The following GALM variants were observed in gnomAD, a reference collection of about 807,000 sequenced individuals.
The protein encoded by GALM is galactose mutarotase, also known as aldose 1-epimerase.
A neutral mutation model predicts 37.4 loss-of-function variants in GALM; 43 were observed. The ratio of observed to expected loss-of-function variants is 1.15; its 90% confidence interval spans 0.90 to 1.48. GALM has a LOEUF of 1.48. Among genes scored for constraint, GALM ranks in the 40% most tolerant of loss-of-function variants. The probability of loss-of-function intolerance (pLI) is 0.00; values close to 1 mark genes in which losing one functional copy is unlikely to be tolerated. For missense variants in GALM, 456 were observed against 419.1 expected, an observed-to-expected ratio of 1.09 and a Z score of -0.77; for synonymous variants, 199 against 170.6, an observed-to-expected ratio of 1.17 and a Z score of -1.30.
chr2:38,695,465 G>C (rs1276827861), intron 4 of GALM, among the ~76,000 whole-genome samples: 4 of 152,220 alleles, frequency 2.6e-5, no homozygotes, highest in African/African-American at 4.8e-5. Context: ...TGGATAATGA[G>C]TTCGTTTTAG....
chr2:38,705,907 C>T (rs1012700931), intron 4 of GALM, among the ~76,000 whole-genome samples: 13 of 152,028 alleles, frequency 8.6e-5, no homozygotes, highest in Admixed American at 4.6e-4. Context: ...GCGCAACCTC[C>T]CCCTCCGGGT....
intron 1 of GALM, among the ~76,000 whole-genome samples, chr2:38,666,625 T>G (rs562981368): frequency 1.3e-3 from 197 of 152,344 alleles, no homozygotes; most frequent in African/African-American, 4.4e-3. Context: ...TATGATACAC[T>G]TCAGCGATCC....
At chr2:38,722,339 G>T (rs2148455417) in intron 4 of GALM, among the ~76,000 whole-genome samples, 1 of 152,136 alleles carries the variant, frequency 6.6e-6, no homozygotes, top group East Asian at 1.9e-4. Flanking sequence ...GCAGTTTCTG[G>T]TCTCTGTATT....
In GALM at chr2:38,730,068, G is replaced by C. The variant is rs1434606012; in HGVS notation, c.776+371G>C. 2.6e-5 allele frequency among the ~76,000 whole-genome samples: 4 copies of C among 152,170 alleles called. No individual in the cohort carries two copies. The South Asian group carries it at 6.2e-4, about 24-fold the overall frequency. ...CTTATGCCTGCCTACTCCATGGCCA[G>C]TTGGAGGCTAGGCATCTCCTGCAGC... On this transcript the variant is annotated intron_variant, in intron 5 of 6. Transcript: ENST00000272252.
At chr2:38,695,454 C>T (rs553265296) in intron 4 of GALM, among the ~76,000 whole-genome samples, 92 of 152,202 alleles carry the variant, frequency 6.0e-4, no homozygotes, top group Non-Finnish European at 1.1e-3. Context: ...TGGGGAGATG[C>T]TGGATAATGA....
chr2:38,726,713 C>A (rs1025850091), intron 4 of GALM, among the ~76,000 whole-genome samples: 1 of 151,540 alleles, frequency 6.6e-6, no homozygotes, highest in African/African-American at 2.4e-5. Flanking sequence ...TTGGCCAAAA[C>A]GGTGAAAGCC....
intron 4 of GALM, among the ~76,000 whole-genome samples, chr2:38,715,465 C>T (rs1666251619): frequency 2.0e-5 from 3 of 152,052 alleles, no homozygotes; most frequent in South Asian, 4.1e-4. Flanking sequence ...GGAGACAGGG[C>T]CTTGCTGTGT....
At chr2:38,679,910 C>T in intron 2 of GALM, 1 of 367,904 alleles carries the variant, frequency 2.7e-6, no homozygotes, top group East Asian at 8.8e-5. Flanking sequence ...TTCGTTTTCC[C>T]TTCCCTATAA....
chr2:38,713,722 A>G (rs777709176), intron 4 of GALM, among the ~76,000 whole-genome samples: 7 of 152,030 alleles, frequency 4.6e-5, no homozygotes, highest in Non-Finnish European at 1.0e-4. Flanking sequence ...TGAGCAACAT[A>G]GAGATACCCC....
chr2:38,723,704 T>C (rs1666427394), intron 4 of GALM, among the ~76,000 whole-genome samples: 1 of 151,706 alleles, frequency 6.6e-6, no homozygotes. Context: ...GGCAGGAGAA[T>C]CCCTTGAGCC....
intron 4 of GALM, among the ~76,000 whole-genome samples, chr2:38,700,257 T>G (rs1665889003): frequency 6.6e-6 from 1 of 152,168 alleles, no homozygotes. Context: ...CAGCCTAAAG[T>G]GCAGTTTAAA....
chr2:38,694,218 C>T (rs982681649), intron 4 of GALM, among the ~76,000 whole-genome samples: 1 of 151,870 alleles, frequency 6.6e-6, no homozygotes, highest in African/African-American at 2.4e-5. Flanking sequence ...AGGGGAGAGG[C>T]AGAAAGGAGT....
chr2:38,706,667 G>A (rs1036791763), intron 4 of GALM, among the ~76,000 whole-genome samples: 6 of 151,726 alleles, frequency 4.0e-5, no homozygotes, highest in African/African-American at 7.3e-5. Flanking sequence ...TTCTGTTTCA[G>A]AAACAAAGAA....
chr2:38,693,767 C>A (rs1665737669), intron 4 of GALM, among the ~76,000 whole-genome samples: 1 of 152,130 alleles, frequency 6.6e-6, no homozygotes, highest in Non-Finnish European at 1.5e-5. Context: ...GTTAAAGTAC[C>A]TTACAGAGGA....
chr2:38,672,647 C>A (rs901100502), intron 1 of GALM, among the ~76,000 whole-genome samples: 3 of 152,170 alleles, frequency 2.0e-5, no homozygotes, highest in Non-Finnish European at 4.4e-5. Flanking sequence ...TTTAACTTTT[C>A]TGTCCTCAGT....
intron 3 of GALM, among the ~76,000 whole-genome samples, chr2:38,683,140 G>C (rs1259006284): frequency 6.6e-6 from 1 of 152,106 alleles, no homozygotes; most frequent in African/African-American, 2.4e-5. Flanking sequence ...GAAATAAAAA[G>C]AGAAATTATG....
At chr2:38,672,650 T>G (rs1572509257) in intron 1 of GALM, among the ~76,000 whole-genome samples, 1 of 152,178 alleles carries the variant, frequency 6.6e-6, no homozygotes, top group South Asian at 2.1e-4. Flanking sequence ...AACTTTTCTG[T>G]CCTCAGTTTC....
At chr2:38,726,983 A>AGGT (rs201673181) in intron 4 of GALM, among the ~76,000 whole-genome samples, 2,141 of 152,236 alleles carry the variant, frequency 0.014, 53 homozygotes, top group African/African-American at 0.05. Flanking sequence ...TGGGAGGCCA[A>AGGT]GGTGGGTGGG....
At chr2:38,699,373 C>T (rs1476937478) in intron 4 of GALM, among the ~76,000 whole-genome samples, 3 of 152,212 alleles carry the variant, frequency 2.0e-5, no homozygotes, top group Non-Finnish European at 4.4e-5. Flanking sequence ...TCACCTCAAA[C>T]ATTTATCATT....
Sources: gnomAD v4.1 joint callset for allele counts (sites outside exome capture counted in the v4.1 genomes callset) on GRCh38, gnomAD v4.1.1 for gene constraint, MANE v1.5 for transcripts, NCBI Gene and HGNC (gene_info 2026-07-23, HGNC 2026-07-21) for gene names.